RPA3: variants seen among roughly 807,000 people sequenced by gnomAD.
The protein encoded by RPA3 is replication protein A3.
Under a neutral mutation model 13.7 loss-of-function variants are expected in RPA3, and 24 were observed. The ratio of observed to expected loss-of-function variants is 1.75; its 90% CI spans 1.27 to 2.46. The LOEUF (loss-of-function observed/expected upper bound fraction) is 2.46. RPA3 is among the 30% of genes most tolerant of loss of function. The pLI, the probability that RPA3 is intolerant of heterozygous loss-of-function variation, is 0.00. For missense variants in RPA3, 183 were observed against 151.0 expected (o/e 1.21, Z -1.11); for synonymous variants, 59 against 51.2 (o/e 1.15, Z -0.65).
At chr7:7,675,201 A>T (rs1779709793) in intron 4 of RPA3, among the ~76,000 whole-genome samples, 1 of 152,106 alleles carries the variant, frequency 6.6e-6, no homozygotes, top group Admixed American at 6.5e-5. Flanking sequence ...AATTGACATT[A>T]TTCTTTTTGT....
Position 7,640,460 on chromosome 7 carries a change from G to A in RPA3, c.-42C>T, listed in dbSNP as rs766356789. On this transcript the variant is annotated 5_prime_UTR_variant, in exon 5 of 8. Coordinates refer to ENST00000223129, the MANE Select transcript of RPA3 (RefSeq NM_002947.5). ...TGCGGCTGGCGGGAAACCCACGGAC[G>A]ACTGAAACTGTGCGCCCCGCGGGTG... 5.0e-5 allele frequency: 79 copies of A among 1,579,538 alleles called. No individual in the cohort carries two copies. The highest frequency in any genetic ancestry group is 6.4e-5 in the Non-Finnish European group (74 of 1,151,710).
At chr7:7,672,661 C>T (rs1779636654) in intron 4 of RPA3, among the ~76,000 whole-genome samples, 1 of 152,190 alleles carries the variant, frequency 6.6e-6, no homozygotes, top group Non-Finnish European at 1.5e-5. Context: ...CATTCTCTCC[C>T]TGTCGTCCTG....
intron 2 of RPA3, among the ~76,000 whole-genome samples, chr7:7,711,138 T>C (rs1780752948): frequency 6.6e-6 from 1 of 152,194 alleles, no homozygotes. Flanking sequence ...GTGAATGAAA[T>C]ATCCTGGTTG....
chr7:7,641,339 G>C (rs1419465436), intron 4 of RPA3, among the ~76,000 whole-genome samples, 164 bp from the exon 5 acceptor site: 1 of 152,158 alleles, frequency 6.6e-6, no homozygotes, highest in African/African-American at 2.4e-5. Context: ...GCCAGTACTA[G>C]GGGAGACAAG....
At chr7:7,688,481 C>T (rs1780091464) in intron 2 of RPA3, among the ~76,000 whole-genome samples, 1 of 152,030 alleles carries the variant, frequency 6.6e-6, no homozygotes. Context: ...TGCTGCCTTG[C>T]CCTCAGCCCC....
chr7:7,675,904 C>A (rs1583721805), intron 4 of RPA3, among the ~76,000 whole-genome samples: 1 of 152,286 alleles, frequency 6.6e-6, no homozygotes, highest in East Asian at 1.9e-4. Context: ...TGATGCTTGT[C>A]TCTGTTTAGC....
At chr7:7,693,169 T>C (rs1305456969) in intron 2 of RPA3, among the ~76,000 whole-genome samples, 1 of 152,192 alleles carries the variant, frequency 6.6e-6, no homozygotes, top group East Asian at 1.9e-4. Flanking sequence ...CAGGGAGCTG[T>C]AGTTCTTCTA....
intron 4 of RPA3, among the ~76,000 whole-genome samples, chr7:7,664,277 C>A (rs1317817491): frequency 6.6e-6 from 1 of 152,126 alleles, no homozygotes; most frequent in African/African-American, 2.4e-5. Context: ...CTCATTCAAA[C>A]TTCACCCATC....
intron 4 of RPA3, among the ~76,000 whole-genome samples, chr7:7,670,313 T>G (rs1287302327): frequency 6.6e-6 from 1 of 152,194 alleles, no homozygotes; most frequent in Non-Finnish European, 1.5e-5. Flanking sequence ...AAGACTGTTA[T>G]TCATATGTTA....
chr7:7,680,548 T>C (rs1779883644), intron 4 of RPA3, among the ~76,000 whole-genome samples: 1 of 152,170 alleles, frequency 6.6e-6, no homozygotes, highest in South Asian at 2.1e-4. Flanking sequence ...ATATAAATGT[T>C]AGGATTATTT....
At chr7:7,652,510 TTGCATGGTTAA>T (rs1165397582) in intron 4 of RPA3, among the ~76,000 whole-genome samples, 6 of 152,362 alleles carry the variant, frequency 3.9e-5, no homozygotes, top group South Asian at 2.1e-4. Context: ...GAGTAACATT[TTGCATGGTTAA>T]TGCATGGTTG....
chr7:7,714,124 C>T (rs1047778091), intron 2 of RPA3, among the ~76,000 whole-genome samples: 5 of 152,164 alleles, frequency 3.3e-5, no homozygotes, highest in Non-Finnish European at 7.3e-5. Flanking sequence ...GTCCTGTGGT[C>T]AGAGAGGGTG....
chr7:7,714,672 G>T (rs1780848268), intron 2 of RPA3, among the ~76,000 whole-genome samples: 1 of 152,046 alleles, frequency 6.6e-6, no homozygotes, highest in Non-Finnish European at 1.5e-5. Context: ...ACATAAGAAA[G>T]ACTTAGAACT....
chr7:7,660,469 C>T (rs1785446984), intron 4 of RPA3, among the ~76,000 whole-genome samples: 1 of 152,114 alleles, frequency 6.6e-6, no homozygotes, highest in Admixed American at 6.5e-5. Flanking sequence ...TTAGTGTTTC[C>T]TTCAGGAGTT....
intron 2 of RPA3, among the ~76,000 whole-genome samples, chr7:7,690,238 G>C (rs1780141571): frequency 6.6e-6 from 1 of 152,030 alleles, no homozygotes; most frequent in Non-Finnish European, 1.5e-5. Flanking sequence ...TACATATTTG[G>C]AAATGTATTT....
chr7:7,695,320 C>A (rs1780284057), intron 2 of RPA3, among the ~76,000 whole-genome samples: 1 of 152,116 alleles, frequency 6.6e-6, no homozygotes, highest in African/African-American at 2.4e-5. Context: ...TCAAGCCCAG[C>A]CAACTTTAAG....
chr7:7,693,789 TAA>T (rs1478269883), intron 2 of RPA3, among the ~76,000 whole-genome samples: 1 of 152,214 alleles, frequency 6.6e-6, no homozygotes, highest in Non-Finnish European at 1.5e-5. Flanking sequence ...TGTGATATTT[TAA>T]GTTTAAACTT....
At chr7:7,656,400 G>T (rs939336721) in intron 4 of RPA3, among the ~76,000 whole-genome samples, 3 of 152,048 alleles carry the variant, frequency 2.0e-5, no homozygotes, top group African/African-American at 7.2e-5. Context: ...ACGTGCCATG[G>T]TGGTTTGCTG....
At chr7:7,676,628 G>T (rs1779747590) in intron 4 of RPA3, among the ~76,000 whole-genome samples, 1 of 152,142 alleles carries the variant, frequency 6.6e-6, no homozygotes. Flanking sequence ...GTTGGTGGTT[G>T]TAATACTGTT....
Sources: gnomAD v4.1 joint callset for allele counts (sites outside exome capture counted in the v4.1 genomes callset) on GRCh38, gnomAD v4.1.1 for gene constraint, MANE v1.5 for transcripts, NCBI Gene and HGNC (gene_info 2026-07-23, HGNC 2026-07-21) for gene names.